Variants in OTOGL observed in about 807,000 individuals in gnomAD.
OTOGL encodes the protein otogelin-like protein.
In OTOGL, 285 loss-of-function variants were observed where a neutral mutation model predicts 318.5. That is an observed-to-expected ratio of 0.89 (90% CI 0.81 to 0.99). OTOGL has a LOEUF of 0.99. Among genes scored for constraint, OTOGL ranks in the 50% least tolerant of loss-of-function variants. The probability of loss-of-function intolerance (pLI) is 0.00; values close to 1 mark genes in which losing one functional copy is unlikely to be tolerated. For synonymous variants in OTOGL, 987 were observed against 936.5 expected (o/e 1.05, Z -0.99); for missense variants, 2,899 against 2,845.6 (o/e 1.02, Z -0.43).
intron 44 of OTOGL, among the ~76,000 whole-genome samples, chr12:80,349,537 G>A (rs1417301707): frequency 6.6e-6 from 1 of 152,080 alleles, no homozygotes; most frequent in Non-Finnish European, 1.5e-5. Context: ...TAGATAGAAA[G>A]GCAATGGAGC....
intron 57 of OTOGL, among the ~76,000 whole-genome samples, chr12:80,376,107 G>A (rs570063001): frequency 6.6e-5 from 10 of 152,158 alleles, no homozygotes; most frequent in African/African-American, 2.2e-4. Context: ...GTCAAATACT[G>A]CTGAGAAGTC....
chr12:80,362,782 T>A (rs1198072810), intron 52 of OTOGL, among the ~76,000 whole-genome samples: 1 of 152,020 alleles, frequency 6.6e-6, no homozygotes, highest in Non-Finnish European at 1.5e-5. Context: ...GCAGTTGAAC[T>A]ATTTCGGACA....
intron 1 of OTOGL, among the ~76,000 whole-genome samples, chr12:80,119,319 G>A (rs1870349917): frequency 6.6e-6 from 1 of 152,164 alleles, no homozygotes; most frequent in African/African-American, 2.4e-5. Flanking sequence ...GCAGTCAGAA[G>A]CAGTCAATAG....
intron 9 of OTOGL, among the ~76,000 whole-genome samples, chr12:80,233,437 G>C (rs1225707694): frequency 6.6e-6 from 1 of 152,150 alleles, no homozygotes; most frequent in Non-Finnish European, 1.5e-5. Context: ...ACATCTTCAA[G>C]TTTATATTCT....
chr12:80,241,151 T>C (rs1441756516), intron 11 of OTOGL, among the ~76,000 whole-genome samples: 1 of 152,076 alleles, frequency 6.6e-6, no homozygotes, highest in Non-Finnish European at 1.5e-5. Flanking sequence ...TAGTATGAAA[T>C]TGTGTTGTTT....
chr12:80,158,761 G>A (rs548263421), intron 1 of OTOGL, among the ~76,000 whole-genome samples: 3 of 150,558 alleles, frequency 2.0e-5, no homozygotes, highest in African/African-American at 4.9e-5. Context: ...CTAAGTATAC[G>A]ATCATATCAT....
At chr12:80,345,593 A>G (rs909609382) in intron 44 of OTOGL, among the ~76,000 whole-genome samples, 1 of 152,194 alleles carries the variant, frequency 6.6e-6, no homozygotes, top group Non-Finnish European at 1.5e-5. Context: ...TCATGGAAAG[A>G]AAAGATAAAA....
At chr12:80,376,121 T>C (rs1004369521) in intron 57 of OTOGL, among the ~76,000 whole-genome samples, 4 of 152,186 alleles carry the variant, frequency 2.6e-5, no homozygotes, top group Non-Finnish European at 4.4e-5. Context: ...AGAAGTCAGA[T>C]AGGGTGAGAA....
At chr12:80,130,250 C>G (rs11114328) in intron 1 of OTOGL, among the ~76,000 whole-genome samples, 82,360 of 151,996 alleles carry the variant, frequency 0.54, 22,464 homozygotes, top group Middle Eastern at 0.58. Context: ...GAATGCATCT[C>G]TTCTGATAAT....
rs187980990 is a variant in OTOGL, at chr12:80,222,394, A to G, written c.489+149A>G. The G allele has an allele frequency of 1.2e-5, 10 of 849,382 alleles. No homozygotes were observed. In the African/African-American group the frequency reaches 1.7e-4, roughly 15 times the overall value. The allele number at this position is 849,382 out of a possible 1,614,324, so 52.6% of individuals were successfully genotyped here. A position where few individuals can be genotyped will look rare whatever the true frequency, so the allele number is the denominator to read the frequency against. On this transcript the variant is annotated intron_variant, in intron 7 of 58. Transcript: ENST00000547103. ...GGGTCTGGGTTCAGTTACGAACCAT[A>G]TTACTCACACTTCCTTCCTTCCTGA... is the stretch of plus-strand genomic sequence containing the variant.
chr12:80,339,864 C>T lies in OTOGL; in HGVS notation c.5050+600C>T, dbSNP rs1434648795. Among the ~76,000 whole-genome samples the T allele has an allele frequency of 2.0e-5, 3 of 151,844 alleles. No individual in the cohort carries two copies. The East Asian group carries it at 5.8e-4, about 29-fold the overall frequency. On this transcript the variant is annotated intron_variant, in intron 43 of 58. Coordinates refer to ENST00000547103, the MANE Select transcript of OTOGL (RefSeq NM_001378609.3). Reference sequence around the variant, plus strand: ...CACAGATATATGAAGAGTTTTAAGTCAAAGAAAACAAATTAGAAATATCTG... The same window carrying T: ...CACAGATATATGAAGAGTTTTAAGTTAAAGAAAACAAATTAGAAATATCTG...
At chr12:80,249,868 T>C (rs555893111) in intron 11 of OTOGL, among the ~76,000 whole-genome samples, 1 of 152,060 alleles carries the variant, frequency 6.6e-6, no homozygotes, top group Non-Finnish European at 1.5e-5. Context: ...AGTCTCGTGG[T>C]GCGCCGTTTT....
intron 1 of OTOGL, among the ~76,000 whole-genome samples, chr12:80,130,094 T>C (rs1871145092): frequency 6.6e-6 from 1 of 152,232 alleles, no homozygotes; most frequent in Non-Finnish European, 1.5e-5. Flanking sequence ...GTCATACTTG[T>C]TCTTAACTGG....
rs775261293 is a variant in OTOGL at position 80,320,609 on chromosome 12, C to A, written c.3990C>A (p.Gly1330=). 1.6e-5 allele frequency: 26 copies of A among 1,612,096 alleles called. No individual in the cohort carries two copies. The highest frequency in any genetic ancestry group is 2.1e-5 in the Non-Finnish European group (25 of 1,178,980). ...CATTTGAGTTATACAGCAAGAAAGGCTTTTTCATCATATTCACAGATTCTA... is the reference window on the plus strand; with the variant it reads ...CATTTGAGTTATACAGCAAGAAAGGATTTTTCATCATATTCACAGATTCTA... The part of the protein sequence containing the change: ...YSAFELYSKK[G]FFIIFTDSSV... The change falls in exon 34 of 59, where the codon GGC becomes GGA. Residue 1330 remains glycine (G), a synonymous_variant. Coordinates refer to ENST00000547103, the MANE Select transcript of OTOGL (RefSeq NM_001378609.3).
In OTOGL at chr12:80,266,537, T is replaced by A. The variant is rs776458140; in HGVS notation, c.2311T>A (p.Cys771Ser). 1 of 1,613,542 alleles carries A rather than the reference T, an allele frequency of 6.2e-7. No homozygotes were observed. The highest frequency in any genetic ancestry group is 2.2e-5 in the East Asian group (1 of 44,862). ...CATTTCTCTCTCTTCCCCGGAGCAGTGCAGTGATGACTGTGCTGAAGGCTG... is the reference window on the plus strand; with the variant it reads ...CATTTCTCTCTCTTCCCCGGAGCAGAGCAGTGATGACTGTGCTGAAGGCTG... ...SCISLSSPEQCSDDCAEGCNC... is the reference protein window; with the variant it reads ...SCISLSSPEQSSDDCAEGCNC... Residue 771 changes from cysteine (C) to serine (S), a missense_variant, in exon 21 of 59, where the codon TGC becomes AGC. Transcript: ENST00000547103.
intron 7 of OTOGL, among the ~76,000 whole-genome samples, chr12:80,228,571 A>G (rs1242758306): frequency 1.3e-5 from 2 of 152,142 alleles, no homozygotes; most frequent in Non-Finnish European, 1.5e-5. Context: ...TTCCACCTCT[A>G]TAGTTGTAAT....
chr12:80,149,717 G>A (rs1227011850), intron 1 of OTOGL, among the ~76,000 whole-genome samples: 5 of 152,204 alleles, frequency 3.3e-5, no homozygotes, highest in Admixed American at 2.6e-4. Context: ...AGCAATCATC[G>A]AGACTCCATG....
chr12:80,113,809 G>T (rs1056295334), intron 1 of OTOGL, among the ~76,000 whole-genome samples: 7 of 152,124 alleles, frequency 4.6e-5, no homozygotes, highest in Admixed American at 1.3e-4. Context: ...CCTGTATTGG[G>T]TGCATATATA....
chr12:80,236,468 C>T (rs1322499989), intron 9 of OTOGL, among the ~76,000 whole-genome samples: 1 of 152,084 alleles, frequency 6.6e-6, no homozygotes, highest in Non-Finnish European at 1.5e-5. Context: ...TATAAAATAG[C>T]TAAATACTTG....
Sources: gnomAD v4.1 joint callset for allele counts (sites outside exome capture counted in the v4.1 genomes callset) on GRCh38, gnomAD v4.1.1 for gene constraint, MANE v1.5 for transcripts, NCBI Gene and HGNC (gene_info 2026-07-23, HGNC 2026-07-21) for gene names.